Variants in PCDHA1 observed in about 807,000 individuals in gnomAD.
PCDHA1 encodes protocadherin alpha-1.
A neutral mutation model predicts 61.3 loss-of-function variants in PCDHA1; 42 were observed. The ratio of observed to expected loss-of-function variants is 0.69; its 90% CI spans 0.54 to 0.89. PCDHA1 has a LOEUF of 0.89. PCDHA1 is among the 40% of genes least tolerant of loss of function. The pLI, the probability that PCDHA1 is intolerant of heterozygous loss-of-function variation, is 0.00. For missense variants in PCDHA1, 1,256 were observed against 1,235.3 expected (o/e 1.02, Z -0.25); for synonymous variants, 610 against 553.8 (o/e 1.10, Z -1.43).
At chr5:140,806,893 A>T in intron 1 of PCDHA1, 1 of 441,892 alleles carries the variant, frequency 2.3e-6, no homozygotes, top group Non-Finnish European at 4.1e-6. Flanking sequence ...ATGTATTCCT[A>T]TTCTCCGAAA....
intron 1 of PCDHA1, chr5:140,856,082 T>C (rs781798552): frequency 6.9e-6 from 11 of 1,594,900 alleles, no homozygotes; most frequent in Non-Finnish European, 8.6e-6. Context: ...GGGGGTCCAG[T>C]GTCTGCTGCT....
intron 1 of PCDHA1, chr5:140,869,814 C>A: frequency 2.5e-6 from 4 of 1,612,258 alleles, no homozygotes; most frequent in Non-Finnish European, 3.4e-6. Flanking sequence ...ATGTCAACGA[C>A]AATGATCCAG....
chr5:140,890,760 A>C (rs939413448), intron 1 of PCDHA1, among the ~76,000 whole-genome samples: 2 of 152,188 alleles, frequency 1.3e-5, no homozygotes, highest in Non-Finnish European at 2.9e-5. Flanking sequence ...ATGCTTTAAA[A>C]ATATTTTAAA....
chr5:140,990,555 G>C (rs1176257375), intron 3 of PCDHA1, among the ~76,000 whole-genome samples: 1 of 152,130 alleles, frequency 6.6e-6, no homozygotes, highest in African/African-American at 2.4e-5. Context: ...TATTACCCAA[G>C]AACACACACC....
At chr5:140,842,661 A>G in intron 1 of PCDHA1, 1 of 1,595,428 alleles carries the variant, frequency 6.3e-7, no homozygotes, top group Non-Finnish European at 8.6e-7. Flanking sequence ...GAGGTGGCCG[A>G]CGTGAACGAC....
chr5:140,906,534 A>G (rs7704223), intron 1 of PCDHA1, among the ~76,000 whole-genome samples: 49,309 of 152,142 alleles, frequency 0.32, 8,308 homozygotes, highest in East Asian at 0.53. Flanking sequence ...GACAATTAAA[A>G]TCCTCATTTC....
At chr5:140,991,298 ATTATC>A (rs1361844877) in intron 3 of PCDHA1, among the ~76,000 whole-genome samples, 1 of 152,170 alleles carries the variant, frequency 6.6e-6, no homozygotes, top group African/African-American at 2.4e-5. Flanking sequence ...ACACATTACT[ATTATC>A]TTGTCCCGCA....
chr5:140,863,521 G>T, intron 1 of PCDHA1: 1 of 397,734 alleles, frequency 2.5e-6, no homozygotes, highest in Non-Finnish European at 4.9e-6. Context: ...GTTCTCCCAT[G>T]GTTCAGATTT....
rs559205841 is a variant in PCDHA1 at position 140,922,691 on chromosome 5, C to G, written c.2395-56258C>G. On this transcript the variant is annotated intron_variant, in intron 1 of 3. Coordinates refer to ENST00000504120, the MANE Select transcript of PCDHA1 (RefSeq NM_018900.4). ...GCAGTAAAAAAGTGAACAGGCTCTGCTTCCATACAGTCAAGAACAAAAAGA... is the reference window on the plus strand; with the variant it reads ...GCAGTAAAAAAGTGAACAGGCTCTGGTTCCATACAGTCAAGAACAAAAAGA... 2.0e-4 allele frequency among the ~76,000 whole-genome samples: 30 copies of G among 152,262 alleles called. No individual in the cohort carries two copies. In the South Asian group the frequency reaches 6.0e-3, roughly 31 times the overall value.
At chr5:140,857,724 A>C in intron 1 of PCDHA1, 1 of 1,597,434 alleles carries the variant, frequency 6.3e-7, no homozygotes. Flanking sequence ...GACGAGAACG[A>C]CAACGCTCCC....
chr5:140,978,140 T>C (rs1379052059), intron 1 of PCDHA1, among the ~76,000 whole-genome samples: 2 of 152,222 alleles, frequency 1.3e-5, no homozygotes, highest in Non-Finnish European at 2.9e-5. Flanking sequence ...ATTTTCCTCT[T>C]TGTTCTCCCC....
intron 1 of PCDHA1, among the ~76,000 whole-genome samples, chr5:140,838,091 T>C (rs1775528096): frequency 7.2e-6 from 1 of 139,480 alleles, no homozygotes; most frequent in East Asian, 2.0e-4. Context: ...TGTGTGTGTG[T>C]GTGTGTGTGT....
intron 1 of PCDHA1, chr5:140,929,567 A>G (rs566554100): frequency 7.2e-5 from 33 of 456,594 alleles, no homozygotes; most frequent in Admixed American, 1.2e-4. Flanking sequence ...ATTTAAGAAC[A>G]ATAAAAGTAA....
intron 1 of PCDHA1, among the ~76,000 whole-genome samples, chr5:140,873,360 T>C (rs1271954811): frequency 6.6e-6 from 1 of 152,170 alleles, no homozygotes; most frequent in African/African-American, 2.4e-5. Flanking sequence ...ATTTTTGGAA[T>C]AACTGAAGAT....
intron 1 of PCDHA1, chr5:140,850,781 G>A: frequency 6.3e-7 from 1 of 1,598,212 alleles, no homozygotes; most frequent in East Asian, 2.2e-5. Context: ...GCTCTGGCGA[G>A]GGTAAGCAGA....
rs2096504149 is a variant in PCDHA1 at position 140,971,885 on chromosome 5, T to G, written c.2395-7064T>G. Among the ~76,000 whole-genome samples the G allele has an allele frequency of 2.0e-5, 3 of 152,134 alleles. No individual in the cohort carries two copies. In the South Asian group the frequency reaches 6.2e-4, roughly 31 times the overall value. ...ACATCTAGCATATGAGGAAATAAGC[T>G]CAGGGAGGTTAGGTAATCTACACAG... On this transcript the variant is annotated intron_variant, in intron 1 of 3. Coordinates refer to ENST00000504120, the MANE Select transcript of PCDHA1 (RefSeq NM_018900.4).
chr5:140,847,059 G>A (rs1780837481), intron 1 of PCDHA1, among the ~76,000 whole-genome samples: 1 of 149,712 alleles, frequency 6.7e-6, no homozygotes, highest in East Asian at 1.9e-4. Context: ...GACACAGAAA[G>A]CATCAATATG....
intron 1 of PCDHA1, chr5:140,797,592 T>C: frequency 3.5e-6 from 2 of 571,632 alleles, no homozygotes; most frequent in Admixed American, 3.6e-5. Flanking sequence ...TCATAAGTAA[T>C]AGACCATGAA....
intron 1 of PCDHA1, chr5:140,796,453 C>G (rs994374516): frequency 6.2e-7 from 1 of 1,612,820 alleles, no homozygotes; most frequent in African/African-American, 1.3e-5. Context: ...GCTGGTGGAG[C>G]GGCGGGTGGG....
Sources: gnomAD v4.1 joint callset for allele counts (sites outside exome capture counted in the v4.1 genomes callset) on GRCh38, gnomAD v4.1.1 for gene constraint, MANE v1.5 for transcripts, NCBI Gene and HGNC (gene_info 2026-07-23, HGNC 2026-07-21) for gene names.